NME9: variants seen among roughly 807,000 people sequenced by gnomAD.
NME9 encodes the protein NME/NM23 family member 9, also known as thioredoxin domain-containing protein 6.
A neutral mutation model predicts 44.4 loss-of-function variants in NME9; 48 were observed. The observed-to-expected ratio is 1.08, with a 90% CI of 0.86 to 1.37. The LOEUF (loss-of-function observed/expected upper bound fraction) is 1.37. Among genes scored for constraint, NME9 ranks in the 40% most tolerant of loss-of-function variants. The pLI is 0.00. For synonymous variants in NME9, 139 were observed against 147.1 expected (o/e 0.94, Z 0.40); for missense variants, 325 against 405.2 (o/e 0.80, Z 1.70).
In NME9 at chr3:138,307,915, C is replaced by T. The variant is rs565139576; in HGVS notation, c.461-1435G>A. On this transcript the variant is annotated intron_variant, in intron 6 of 10. Transcript: ENST00000333911. ...ATGAACTGGTAACTACCTGTTGGTG[C>T]CACCAATGAGCACCATTTCAGGGAG... 2.0e-5 allele frequency among the ~76,000 whole-genome samples: 3 copies of T among 152,288 alleles called. No homozygotes were observed. In the South Asian group the frequency reaches 6.2e-4, roughly 32 times the overall value.
chr3:138,319,436 T>A, intron 3 of NME9, 42 bp downstream of exon 3: 1 of 1,152,962 alleles, frequency 8.7e-7, no homozygotes, highest in South Asian at 1.2e-5. Context: ...TTTAAATTCT[T>A]TTTACAATGT....
At position 138,269,976 on chromosome 3, in the gene NME9, T is replaced by C. The variant is rs1304155492; in HGVS notation, c.746-7390A>G. 4 of 1,101,932 alleles carry C rather than the reference T, an allele frequency of 3.6e-6. No individual in the cohort carries two copies. In the African/African-American group the frequency reaches 6.2e-5, roughly 17 times the overall value. 68.3% of individuals were successfully genotyped at this position (1,101,932 alleles called of 1,614,324 possible). A position where few individuals can be genotyped will look rare whatever the true frequency, so the allele number is the denominator to read the frequency against. On this transcript the variant is annotated intron_variant, in intron 8 of 8. Transcript: ENST00000317876. ...AGAAATCACAAAGTGCCAAGGTATA[T>C]GCATGTTTAGTTTGCAAACTGGACT...
At chr3:138,269,720 G>C (rs563184562) in intron 8 of NME9, among the ~76,000 whole-genome samples, 2 of 152,242 alleles carry the variant, frequency 1.3e-5, no homozygotes, top group East Asian at 3.9e-4. Context: ...GGGATCATAA[G>C]GGTCTGTGTG....
chr3:138,329,451 C>A lies in NME9; in HGVS notation c.-116G>T, dbSNP rs570658246. ...CAGAGCCTCCTTCAGACAAGCCCCC[C>A]TCCTACGGCCCCCGGCCCCTTTTTA... On this transcript the variant is annotated 5_prime_UTR_variant, in exon 1 of 11. The change creates a new upstream start codon in the 5' untranslated region. Transcript: ENST00000333911. 8 of 1,509,346 alleles carry A rather than the reference C, an allele frequency of 5.3e-6. No individual in the cohort carries two copies. The highest frequency in any genetic ancestry group is 3.7e-5 in the South Asian group (3 of 80,670). 93.5% of individuals were successfully genotyped at this position (1,509,346 alleles called of 1,614,324 possible). A position where few individuals can be genotyped will look rare whatever the true frequency, so the allele number is the denominator to read the frequency against.
chr3:138,295,368 C>T (rs548128591), intron 8 of NME9, among the ~76,000 whole-genome samples: 1 of 152,324 alleles, frequency 6.6e-6, no homozygotes, highest in South Asian at 2.1e-4. Context: ...ACAGCCTCAT[C>T]CCATGGGCTC....
rs1577233741 is a variant in NME9, at chr3:138,329,818, G to C, written c.-483C>G. On this transcript the variant is annotated 5_prime_UTR_variant, in exon 1 of 11. Transcript: ENST00000333911. ...TTCGACGCGCCCGGAGTCACCAACCGAGTCTGCCGCGACCTAGCCGCGGTC... is the reference window on the plus strand; with the variant it reads ...TTCGACGCGCCCGGAGTCACCAACCCAGTCTGCCGCGACCTAGCCGCGGTC... 6.1e-6 allele frequency: 6 copies of C among 986,374 alleles called. No individual in the cohort carries two copies. Among genetic ancestry groups the C allele is most frequent in the Non-Finnish European group, 7.2e-6 (6 of 830,688 alleles). 61.1% of individuals were successfully genotyped at this position (986,374 alleles called of 1,614,324 possible).
intron 4 of NME9, among the ~76,000 whole-genome samples, chr3:138,317,932 C>A (rs1405175133): frequency 1.3e-5 from 2 of 152,124 alleles, no homozygotes; most frequent in African/African-American, 4.8e-5. Flanking sequence ...GCTTGTATCA[C>A]CAGTTAGACT....
At chr3:138,282,482 C>T (rs940864766) in intron 8 of NME9, among the ~76,000 whole-genome samples, 6 of 151,908 alleles carry the variant, frequency 3.9e-5, no homozygotes, top group South Asian at 2.1e-4. Context: ...CCCGTCTCTA[C>T]TAAAAATACA....
chr3:138,263,713 T>G, intron 8 of NME9: 1 of 1,575,256 alleles, frequency 6.3e-7, no homozygotes, highest in Non-Finnish European at 8.7e-7. Context: ...TGTTGTTATT[T>G]ATGCAGCATT....
rs2054014473 is a variant in NME9, at chr3:138,329,848, T to C, written c.-513A>G. On this transcript the variant is annotated 5_prime_UTR_variant, in exon 1 of 11. It removes an upstream start codon present in the reference 5' UTR. Transcript: ENST00000333911. ...TGCCGCGACCTAGCCGCGGTCGTCA[T>C]GGCAACCTGGCCCCCCCGCCAGGCC... The C allele has an allele frequency of 1.0e-6, 1 of 985,884 alleles. No homozygotes were observed. Among genetic ancestry groups the C allele is most frequent in the Non-Finnish European group, 1.2e-6 (1 of 830,244 alleles). The allele number at this position is 985,884 out of a possible 1,614,324, so 61.1% of individuals were successfully genotyped here. A position where few individuals can be genotyped will look rare whatever the true frequency, so the allele number is the denominator to read the frequency against.
downstream of NME9, among the ~76,000 whole-genome samples, chr3:138,300,162 G>T (rs910790946): frequency 1.2e-4 from 19 of 152,288 alleles, no homozygotes; most frequent in African/African-American, 4.6e-4. Flanking sequence ...TTGAGATCCT[G>T]TACAGGTTCC....
At chr3:138,280,828 A>G (rs1370826567) in intron 8 of NME9, among the ~76,000 whole-genome samples, 1 of 151,838 alleles carries the variant, frequency 6.6e-6, no homozygotes, top group African/African-American at 2.4e-5. Context: ...GGGTTTTGCC[A>G]TGTTGGCCAG....
intron 8 of NME9, among the ~76,000 whole-genome samples, chr3:138,288,724 G>C (rs2050664444): frequency 6.9e-6 from 1 of 144,398 alleles, no homozygotes; most frequent in South Asian, 2.2e-4. Context: ...TGCAACCTCT[G>C]CCTCCCAGGT....
chr3:138,319,170 A>C (rs2053298884), intron 3 of NME9, among the ~76,000 whole-genome samples: 1 of 152,224 alleles, frequency 6.6e-6, no homozygotes, highest in Admixed American at 6.5e-5. Context: ...ACTGCACTCC[A>C]GCCTGGGTGA....
chr3:138,306,376 T>C (rs777118972), intron 7 of NME9, 22 bp downstream of exon 7: 91 of 1,524,400 alleles, frequency 6.0e-5, no homozygotes, highest in Non-Finnish European at 1.5e-5. Context: ...CAGTGGTGCA[T>C]GGTAAGTGTT....
At chr3:138,300,906 A>G (rs2051802611), downstream of NME9, 1 of 221,550 alleles carries the variant, frequency 4.5e-6, no homozygotes, top group African/African-American at 2.3e-5. Flanking sequence ...GCCTATTTAT[A>G]TCTGCCTCGG....
At chr3:138,328,352 C>CCCTCCCA (rs1479217986) in intron 1 of NME9, among the ~76,000 whole-genome samples, 1 of 150,280 alleles carries the variant, frequency 6.7e-6, no homozygotes, top group African/African-American at 2.5e-5. Context: ...CACCCCACAC[C>CCCTCCCA]CCTCCCACCC....
intron 8 of NME9, among the ~76,000 whole-genome samples, chr3:138,276,958 CA>C (rs890608655): frequency 3.9e-5 from 6 of 151,938 alleles, no homozygotes; most frequent in African/African-American, 1.2e-4. Flanking sequence ...ACTAAAAAGC[CA>C]AAACAGTTTG....
At chr3:138,307,458 G>T (rs889326631) in intron 6 of NME9, among the ~76,000 whole-genome samples, 1 of 152,144 alleles carries the variant, frequency 6.6e-6, no homozygotes, top group Non-Finnish European at 1.5e-5. Flanking sequence ...TACATTGGTT[G>T]TGTTGAAATG....
Sources: gnomAD v4.1 joint callset for allele counts (sites outside exome capture counted in the v4.1 genomes callset) on GRCh38, gnomAD v4.1.1 for gene constraint, MANE v1.5 for transcripts, NCBI Gene and HGNC (gene_info 2026-07-23, HGNC 2026-07-21) for gene names.